MGST1: variants seen among roughly 807,000 people sequenced by gnomAD.
MGST1 encodes the protein microsomal glutathione S-transferase 1, also known as glutathione S-transferase 12.
Under a neutral mutation model 8.9 loss-of-function variants are expected in MGST1, and 5 were observed. That is an observed-to-expected ratio of 0.56 (90% CI 0.29 to 1.19). MGST1 has a LOEUF of 1.19. MGST1 is among the 50% of genes most tolerant of loss of function. The pLI is 0.08. For missense variants in MGST1, 182 were observed against 187.4 expected, an observed-to-expected ratio of 0.97 and a Z score of 0.17; for synonymous variants, 54 against 67.8, an observed-to-expected ratio of 0.80 and a Z score of 1.00.
chr12:16,555,792 C>T lies in MGST1; in HGVS notation n.483-33736C>T, dbSNP rs528493775. Among the ~76,000 whole-genome samples, 71 of 152,224 alleles carry T rather than the reference C, an allele frequency of 4.7e-4. No individual in the cohort carries two copies. Among genetic ancestry groups the T allele is most frequent in the African/African-American group, 1.6e-3 (68 of 41,550 alleles). ...ATGCCTTTGCACGTTGCTCAATTTGCCTGAAAATTCCTTTCCTCACTGCTC... is the reference window on the plus strand; with the variant it reads ...ATGCCTTTGCACGTTGCTCAATTTGTCTGAAAATTCCTTTCCTCACTGCTC... On this transcript the variant is annotated intron_variant and non_coding_transcript_variant, in intron 4 of 4. Transcript: ENST00000538857. This position sits in a 1 kb window ranked among gnomAD's most constrained non-coding sequence, Gnocchi z 5.5.
intron 4 of MGST1, among the ~76,000 whole-genome samples, chr12:16,445,158 A>G (rs1037446590): frequency 2.0e-5 from 3 of 151,610 alleles, no homozygotes; most frequent in Non-Finnish European, 4.4e-5. Context: ...TCAGCTCACT[A>G]AGTCACATAC....
At chr12:16,564,821 T>C (rs1942534818) in intron 4 of MGST1, among the ~76,000 whole-genome samples, 1 of 152,212 alleles carries the variant, frequency 6.6e-6, no homozygotes, top group Non-Finnish European at 1.5e-5. Flanking sequence ...AGTCTCACTC[T>C]GTCACCTAGG....
At chr12:16,568,956 C>G (rs1439048699) in intron 4 of MGST1, among the ~76,000 whole-genome samples, 1 of 152,092 alleles carries the variant, frequency 6.6e-6, no homozygotes, top group African/African-American at 2.4e-5. Context: ...TTTTTTCTAA[C>G]TTGAAACTTA....
chr12:16,442,316 A>G (rs1941045603), downstream of MGST1, among the ~76,000 whole-genome samples: 1 of 151,792 alleles, frequency 6.6e-6, no homozygotes, highest in Non-Finnish European at 1.5e-5. The surrounding 1 kb of genome is among the most constrained non-coding windows in gnomAD (Gnocchi z 4.5). Flanking sequence ...TTTTAATTTT[A>G]ATGAAGTCTA....
intron 4 of MGST1, among the ~76,000 whole-genome samples, chr12:16,574,245 A>G (rs1942922371): frequency 6.6e-6 from 1 of 152,190 alleles, no homozygotes; most frequent in Admixed American, 6.5e-5. Flanking sequence ...CCTTGGAACA[A>G]TGTATAAACG....
At chr12:16,412,638 T>G (rs1940752067) in intron 1 of MGST1, among the ~76,000 whole-genome samples, 1 of 152,096 alleles carries the variant, frequency 6.6e-6, no homozygotes, top group South Asian at 2.1e-4. Flanking sequence ...ATGAGTTTTT[T>G]CCATGCTGTT....
At chr12:16,495,155 T>C (rs1941462005) in intron 4 of MGST1, among the ~76,000 whole-genome samples, 1 of 152,156 alleles carries the variant, frequency 6.6e-6, no homozygotes, top group Admixed American at 6.6e-5. Context: ...ATTCATCTTT[T>C]GAAATGCTGC....
At chr12:16,563,817 G>A (rs1942488321) in intron 4 of MGST1, among the ~76,000 whole-genome samples, 1 of 152,032 alleles carries the variant, frequency 6.6e-6, no homozygotes, top group African/African-American at 2.4e-5. Context: ...CAGCATACCA[G>A]CTTATACATT....
intron 4 of MGST1, among the ~76,000 whole-genome samples, chr12:16,475,318 C>T (rs1941315860): frequency 6.6e-6 from 1 of 152,026 alleles, no homozygotes; most frequent in Non-Finnish European, 1.5e-5. Flanking sequence ...CAGTTTGAAA[C>T]CTCTGGCTTA....
At chr12:16,397,150 C>T (rs1289888507) in intron 1 of MGST1, among the ~76,000 whole-genome samples, 4 of 151,962 alleles carry the variant, frequency 2.6e-5, no homozygotes, top group Non-Finnish European at 5.9e-5. Context: ...TGCTCTTTGA[C>T]AAAAGAAACA....
chr12:16,406,373 A>G (rs949551053), intron 1 of MGST1, among the ~76,000 whole-genome samples: 4 of 152,190 alleles, frequency 2.6e-5, no homozygotes, highest in African/African-American at 4.8e-5. Flanking sequence ...AAAGATGTCT[A>G]CAATGAGAAT....
rs963538227 is a variant in MGST1 at position 16,546,388 on chromosome 12, C to T, written n.483-43140C>T. Among the ~76,000 whole-genome samples the T allele has an allele frequency of 6.6e-6, 1 of 152,026 alleles. No individual in the cohort carries two copies. The highest frequency in any genetic ancestry group is 2.1e-4 in the South Asian group (1 of 4,828). Reference sequence around the variant, plus strand: ...GTAATCACCCCGGTGATACCAATTTCGAGTATTCAGCTTCTGAGTCCAGAA... The same window carrying T: ...GTAATCACCCCGGTGATACCAATTTTGAGTATTCAGCTTCTGAGTCCAGAA... On this transcript the variant is annotated intron_variant and non_coding_transcript_variant, in intron 4 of 4. Coordinates refer to the MGST1 transcript ENST00000538857. The surrounding 1 kb of genome is among the most constrained non-coding windows in gnomAD (Gnocchi z 4.7).
chr12:16,351,372 G>C (rs1939455743), intron 1 of MGST1, among the ~76,000 whole-genome samples: 1 of 152,160 alleles, frequency 6.6e-6, no homozygotes, highest in South Asian at 2.1e-4. Flanking sequence ...ATATTGCACT[G>C]AGAGCTAATC....
At chr12:16,385,876 T>C (rs2137047087) in intron 1 of MGST1, among the ~76,000 whole-genome samples, 1 of 152,252 alleles carries the variant, frequency 6.6e-6, no homozygotes, top group African/African-American at 2.4e-5. Context: ...TTCTACCTCT[T>C]AAGAGTCAAG....
downstream of MGST1, among the ~76,000 whole-genome samples, chr12:16,440,691 A>C (rs1171380955): frequency 6.6e-6 from 1 of 151,902 alleles, no homozygotes; most frequent in Admixed American, 6.6e-5. Flanking sequence ...TATTAGGAAT[A>C]AATTACTACC....
At chr12:16,461,197 C>T (rs1244445682) in intron 4 of MGST1, among the ~76,000 whole-genome samples, 1 of 145,324 alleles carries the variant, frequency 6.9e-6, no homozygotes, top group Non-Finnish European at 1.5e-5. Context: ...AAAAAAAGCA[C>T]ATCATAACAT....
chr12:16,377,437 G>T (rs1390150309), downstream of MGST1, among the ~76,000 whole-genome samples: 1 of 151,270 alleles, frequency 6.6e-6, no homozygotes, highest in African/African-American at 2.4e-5. Flanking sequence ...GAGAATGATG[G>T]TTTCCAGTTT....
chr12:16,409,374 C>A (rs1000474127), intron 1 of MGST1, among the ~76,000 whole-genome samples: 1 of 151,964 alleles, frequency 6.6e-6, no homozygotes, highest in African/African-American at 2.4e-5. Flanking sequence ...GAAAACAGAG[C>A]CTTTATTACC....
At chr12:16,398,895 T>C (rs1032048368) in intron 1 of MGST1, among the ~76,000 whole-genome samples, 1 of 152,144 alleles carries the variant, frequency 6.6e-6, no homozygotes, top group African/African-American at 2.4e-5. Context: ...AACCATGATA[T>C]GGGTTATTAA....
Sources: gnomAD v4.1 joint callset for allele counts (sites outside exome capture counted in the v4.1 genomes callset) on GRCh38, gnomAD v4.1.1 for gene constraint, Gnocchi (gnomAD v3.1) non-coding constraint, MANE v1.5 for transcripts, NCBI Gene and HGNC (gene_info 2026-07-23, HGNC 2026-07-21) for gene names.